Variants in ERBB4 observed in about 807,000 individuals in gnomAD.
ERBB4 encodes receptor tyrosine-protein kinase erbB-4.
ERBB4 carries 42 observed loss-of-function variants against 158.0 expected under a neutral mutation model. That is an observed-to-expected ratio of 0.27 (90% CI 0.21 to 0.34). The LOEUF is 0.34. Among genes scored for constraint, ERBB4 ranks in the 10% least tolerant of loss-of-function variants. The pLI is 1.00. For synonymous variants in ERBB4, 583 were observed against 558.7 expected (o/e 1.04, Z -0.61); for missense variants, 1,333 against 1,624.1 (o/e 0.82, Z 3.08).
chr2:212,474,956 T>C (rs1230398882), intron 1 of ERBB4, among the ~76,000 whole-genome samples: 7 of 151,040 alleles, frequency 4.6e-5, no homozygotes, highest in African/African-American at 1.2e-4. Flanking sequence ...TGCCCAGCTA[T>C]TGGTCTCAAA....
At chr2:212,200,461 G>A (rs1372719622) in intron 1 of ERBB4, among the ~76,000 whole-genome samples, 2 of 152,040 alleles carry the variant, frequency 1.3e-5, no homozygotes, top group Non-Finnish European at 2.9e-5. Flanking sequence ...GTATAAATAA[G>A]CTTCAGTACT....
intron 3 of ERBB4, among the ~76,000 whole-genome samples, chr2:211,804,847 T>A (rs1226748426): frequency 6.6e-6 from 1 of 152,104 alleles, no homozygotes; most frequent in African/African-American, 2.4e-5. Context: ...TGAATCCTTC[T>A]AAATGAGCTC....
intron 4 of ERBB4, among the ~76,000 whole-genome samples, chr2:211,784,060 A>C (rs2076099250): frequency 6.6e-6 from 1 of 152,202 alleles, no homozygotes; most frequent in African/African-American, 2.4e-5. Context: ...TTATTGGTCT[A>C]TTCGGGGATT....
At chr2:211,580,406 C>T (rs542498511) in intron 19 of ERBB4, among the ~76,000 whole-genome samples, 1 of 152,118 alleles carries the variant, frequency 6.6e-6, no homozygotes, top group East Asian at 1.9e-4. Flanking sequence ...TGCTCAACAT[C>T]ACTAATGATC....
chr2:211,409,691 C>T (rs1461515197), intron 25 of ERBB4, among the ~76,000 whole-genome samples: 2 of 152,120 alleles, frequency 1.3e-5, no homozygotes, highest in Admixed American at 1.3e-4. Context: ...AACTTAAAGT[C>T]AAAATCAAGA....
intron 16 of ERBB4, among the ~76,000 whole-genome samples, chr2:211,640,910 A>G (rs1293088549): frequency 6.6e-6 from 1 of 152,190 alleles, no homozygotes; most frequent in Non-Finnish European, 1.5e-5. Flanking sequence ...CTATGGGAAT[A>G]TAATAAGGCC....
intron 2 of ERBB4, among the ~76,000 whole-genome samples, chr2:212,037,809 C>T (rs1246889194): frequency 1.3e-5 from 2 of 152,100 alleles, no homozygotes; most frequent in African/African-American, 4.8e-5. Context: ...TAAATAACTG[C>T]TTGAAATTCT....
At chr2:211,905,769 T>A (rs1401621985) in intron 3 of ERBB4, among the ~76,000 whole-genome samples, 3 of 145,024 alleles carry the variant, frequency 2.1e-5, no homozygotes, top group African/African-American at 7.7e-5. Flanking sequence ...TATATACTAT[T>A]ATGTATACAA....
intron 19 of ERBB4, among the ~76,000 whole-genome samples, chr2:211,616,647 T>C (rs1356559978): frequency 6.6e-6 from 1 of 152,158 alleles, no homozygotes; most frequent in East Asian, 1.9e-4. Flanking sequence ...CAGCCTGCAT[T>C]AGATACTAAA....
intron 20 of ERBB4, among the ~76,000 whole-genome samples, chr2:211,474,987 T>C (rs1450750756): frequency 6.6e-6 from 1 of 151,930 alleles, no homozygotes; most frequent in Non-Finnish European, 1.5e-5. Context: ...AAGTCAGGGA[T>C]ACAGAAAGGC....
intron 16 of ERBB4, among the ~76,000 whole-genome samples, chr2:211,631,934 A>G (rs1437395244): frequency 6.6e-6 from 1 of 152,098 alleles, no homozygotes; most frequent in Non-Finnish European, 1.5e-5. Context: ...GCTCAGAGAT[A>G]GATCAGAAAT....
chr2:212,016,158 T>C (rs2076524872), intron 2 of ERBB4, among the ~76,000 whole-genome samples: 1 of 149,770 alleles, frequency 6.7e-6, no homozygotes, highest in Admixed American at 6.7e-5. Flanking sequence ...ATATATATTT[T>C]AACTTTTTTT....
chr2:212,003,109 GA>G (rs1208942304), intron 2 of ERBB4, among the ~76,000 whole-genome samples: 3 of 38,100 alleles, frequency 7.9e-5, no homozygotes, highest in Admixed American at 4.3e-4. Context: ...CAGAAAGAAA[GA>G]AAGAAGGAAG....
intron 1 of ERBB4, among the ~76,000 whole-genome samples, chr2:212,181,211 A>G (rs899938639): frequency 1.3e-5 from 2 of 151,604 alleles, no homozygotes; most frequent in African/African-American, 4.8e-5. Context: ...GTGATTTATG[A>G]TAAACTTTAA....
chr2:211,948,901 A>G (rs1384840680), intron 2 of ERBB4, among the ~76,000 whole-genome samples: 1 of 151,986 alleles, frequency 6.6e-6, no homozygotes, highest in Non-Finnish European at 1.5e-5. Context: ...TGTTTACTCA[A>G]CATCCTTACT....
rs118058461 is a variant in ERBB4 at position 211,707,147 on chromosome 2, G to A, written c.1125-1756C>T. On this transcript the variant is annotated intron_variant, in intron 9 of 27. Coordinates refer to ENST00000342788, the MANE Select transcript of ERBB4 (RefSeq NM_005235.3). Reference sequence around the variant, plus strand: ...AAGCACACAATAATGGGGTCAGTCCGGACCTTTACTGAGAACACTTCCATG... The same window carrying A: ...AAGCACACAATAATGGGGTCAGTCCAGACCTTTACTGAGAACACTTCCATG... 4.1e-4 allele frequency among the ~76,000 whole-genome samples: 62 copies of A among 152,180 alleles called. No homozygotes were observed. In the East Asian group the frequency reaches 0.011, roughly 28 times the overall value.
At chr2:212,284,242 T>C (rs1359703894) in intron 1 of ERBB4, among the ~76,000 whole-genome samples, 4 of 152,134 alleles carry the variant, frequency 2.6e-5, no homozygotes, top group Non-Finnish European at 5.9e-5. Context: ...TTTTCTTCTC[T>C]GCACAAAAGA....
At chr2:212,317,505 A>G (rs1379032641) in intron 1 of ERBB4, among the ~76,000 whole-genome samples, 1 of 151,544 alleles carries the variant, frequency 6.6e-6, no homozygotes, top group Admixed American at 6.6e-5. Flanking sequence ...TCTAACTACC[A>G]CCTCAGGTGA....
intron 7 of ERBB4, among the ~76,000 whole-genome samples, chr2:211,715,622 G>A (rs935322211): frequency 2.6e-5 from 4 of 152,174 alleles, no homozygotes; most frequent in African/African-American, 7.2e-5. Context: ...TCTTGGTGTT[G>A]TCGTTGCAAG....
Sources: allele counts gnomAD v4.1 joint callset (sites outside exome capture counted in the v4.1 genomes callset), GRCh38; gene constraint gnomAD v4.1.1; transcripts MANE v1.5; gene names NCBI Gene and HGNC (gene_info 2026-07-23, HGNC 2026-07-21).